ZDHHC20: variants seen among roughly 807,000 people sequenced by gnomAD.
The protein encoded by ZDHHC20 is palmitoyltransferase ZDHHC20.
A neutral mutation model predicts 57.8 loss-of-function variants in ZDHHC20; 43 were observed. The ratio of observed to expected loss-of-function variants is 0.74; its 90% CI spans 0.58 to 0.96. The LOEUF is 0.96. Among genes scored for constraint, ZDHHC20 ranks in the 40% least tolerant of loss-of-function variants. The pLI is 0.00. For missense variants in ZDHHC20, 391 were observed against 441.1 expected, an observed-to-expected ratio of 0.89 and a Z score of 1.02; for synonymous variants, 157 against 153.0, an observed-to-expected ratio of 1.03 and a Z score of -0.19.
intron 3 of ZDHHC20, among the ~76,000 whole-genome samples, chr13:21,414,659 C>G (rs1463951169): frequency 1.3e-5 from 2 of 151,732 alleles, no homozygotes; most frequent in African/African-American, 4.8e-5. Flanking sequence ...GCGTGAGCCA[C>G]CGCGCCCGGC....
chr13:21,432,568 G>A (rs1368854987), intron 1 of ZDHHC20, among the ~76,000 whole-genome samples: 7 of 152,162 alleles, frequency 4.6e-5, no homozygotes, highest in South Asian at 2.1e-4. Flanking sequence ...TCCTGACCTC[G>A]TGATCCACCT....
chr13:21,401,505 C>T, intron 6 of ZDHHC20, 148 bp downstream of exon 6: 1 of 626,178 alleles, frequency 1.6e-6, no homozygotes, highest in Non-Finnish European at 2.7e-6. Flanking sequence ...TTTAATATAA[C>T]TGTTTACATA....
chr13:21,410,802 G>A (rs563583185), intron 4 of ZDHHC20, among the ~76,000 whole-genome samples: 3 of 152,334 alleles, frequency 2.0e-5, no homozygotes, highest in African/African-American at 7.2e-5. Flanking sequence ...TGGGGTCTGT[G>A]GAGGTGGGAT....
intron 1 of ZDHHC20, 121 bp from the exon 2 acceptor site, chr13:21,425,799 G>C (rs1443339366): frequency 1.5e-6 from 1 of 672,302 alleles, no homozygotes; most frequent in Non-Finnish European, 2.0e-6. Context: ...GTTATAAATT[G>C]TAGACACTAA....
chr13:21,429,864 T>C (rs1881712905), intron 1 of ZDHHC20, among the ~76,000 whole-genome samples: 1 of 152,214 alleles, frequency 6.6e-6, no homozygotes, highest in Admixed American at 6.5e-5. Flanking sequence ...TTCACTTTTT[T>C]TCTCTGCCCT....
chr13:21,416,517 T>C (rs1436723448), intron 3 of ZDHHC20, among the ~76,000 whole-genome samples: 1 of 152,148 alleles, frequency 6.6e-6, no homozygotes, highest in African/African-American at 2.4e-5. Context: ...AAAACAACCA[T>C]TGCCTTCAAA....
At chr13:21,412,546 A>G (rs1879354026) in intron 4 of ZDHHC20, among the ~76,000 whole-genome samples, 1 of 152,234 alleles carries the variant, frequency 6.6e-6, no homozygotes, top group Non-Finnish European at 1.5e-5. Flanking sequence ...AAGCGTTTCA[A>G]GAAGACAGAA....
At chr13:21,416,097 C>T (rs1193576468) in intron 3 of ZDHHC20, among the ~76,000 whole-genome samples, 2 of 150,218 alleles carry the variant, frequency 1.3e-5, no homozygotes, top group Non-Finnish European at 1.5e-5. Flanking sequence ...CCCAGCTACT[C>T]GGGAGGCTGA....
intron 1 of ZDHHC20, among the ~76,000 whole-genome samples, chr13:21,437,006 T>C (rs1882620414): frequency 1.3e-5 from 2 of 152,312 alleles, no homozygotes; most frequent in South Asian, 4.1e-4. Context: ...AAAAAAGTAC[T>C]ACTCCAGTGA....
chr13:21,450,154 A>C (rs2138056639), intron 1 of ZDHHC20, among the ~76,000 whole-genome samples: 1 of 152,240 alleles, frequency 6.6e-6, no homozygotes, highest in Non-Finnish European at 1.5e-5. Context: ...AGCAGGTTCA[A>C]GGGAGAAAAA....
intron 8 of ZDHHC20, among the ~76,000 whole-genome samples, chr13:21,388,735 T>G (rs989085174): frequency 2.6e-5 from 4 of 152,214 alleles, no homozygotes; most frequent in Non-Finnish European, 5.9e-5. Flanking sequence ...TCTGTAGCTA[T>G]AGCAAACCTT....
intron 9 of ZDHHC20, among the ~76,000 whole-genome samples, chr13:21,387,287 T>G (rs965349787): frequency 6.6e-6 from 1 of 152,120 alleles, no homozygotes; most frequent in Non-Finnish European, 1.5e-5. Flanking sequence ...CATCTTTTTC[T>G]TCTACTTCCC....
intron 6 of ZDHHC20, among the ~76,000 whole-genome samples, 195 bp downstream of exon 6, chr13:21,401,458 T>A (rs1419672484): frequency 6.6e-6 from 1 of 152,194 alleles, no homozygotes; most frequent in Non-Finnish European, 1.5e-5. Flanking sequence ...TACATTGTTA[T>A]TTGGGTTAAT....
chr13:21,425,166 G>C (rs548137811), intron 2 of ZDHHC20, among the ~76,000 whole-genome samples: 1 of 152,064 alleles, frequency 6.6e-6, no homozygotes, highest in South Asian at 2.1e-4. Context: ...AAAAACTTTA[G>C]CTTCCTTAAA....
intron 3 of ZDHHC20, among the ~76,000 whole-genome samples, chr13:21,418,376 A>G (rs996626136): frequency 6.6e-6 from 1 of 152,162 alleles, no homozygotes; most frequent in African/African-American, 2.4e-5. Flanking sequence ...TGCTAGAACC[A>G]CCACCAAAAA....
At chr13:21,388,233 T>C (rs1282365991) in intron 8 of ZDHHC20, among the ~76,000 whole-genome samples, 2 of 152,124 alleles carry the variant, frequency 1.3e-5, no homozygotes, top group Non-Finnish European at 2.9e-5. Context: ...TTAAGTGATG[T>C]AGAGTGAGGT....
chr13:21,405,699 T>A (rs1171110515), intron 4 of ZDHHC20, among the ~76,000 whole-genome samples: 1 of 152,236 alleles, frequency 6.6e-6, no homozygotes, highest in Non-Finnish European at 1.5e-5. Flanking sequence ...GAAGGAAATC[T>A]GTACACCCTC....
intron 1 of ZDHHC20, among the ~76,000 whole-genome samples, chr13:21,450,136 T>C (rs1316762128): frequency 6.6e-6 from 1 of 152,022 alleles, no homozygotes; most frequent in African/African-American, 2.4e-5. Context: ...TACTGAGCTA[T>C]TAGGAGCAGC....
At chr13:21,431,744 T>C (rs1292085401) in intron 1 of ZDHHC20, among the ~76,000 whole-genome samples, 3 of 152,256 alleles carry the variant, frequency 2.0e-5, no homozygotes. Flanking sequence ...CATCTTTTCA[T>C]GTGTTTAACA....
Sources: gnomAD v4.1 joint callset for allele counts (sites outside exome capture counted in the v4.1 genomes callset) on GRCh38, gnomAD v4.1.1 for gene constraint, MANE v1.5 for transcripts, NCBI Gene and HGNC (gene_info 2026-07-23, HGNC 2026-07-21) for gene names.